The following DOCK1 variants were observed in gnomAD, a reference collection of about 807,000 sequenced individuals.
DOCK1 encodes dedicator of cytokinesis protein 1.
DOCK1 carries 138 observed loss-of-function variants against 262.7 expected under a neutral mutation model. That is an observed-to-expected ratio of 0.53 (90% CI 0.46 to 0.61). The LOEUF (loss-of-function observed/expected upper bound fraction) is 0.61. DOCK1 is among the 20% of genes least tolerant of loss of function. DOCK1 has a pLI of 0.00. For synonymous variants in DOCK1, 866 were observed against 867.4 expected (o/e 1.00, Z 0.03); for missense variants, 1,908 against 2,370.7 (o/e 0.80, Z 4.05).
chr10:127,090,447 C>T (rs7081349), intron 23 of DOCK1, among the ~76,000 whole-genome samples: 32,567 of 151,846 alleles, frequency 0.21, 4,940 homozygotes, highest in African/African-American at 0.43. Context: ...GTGTCATTTT[C>T]CAGTGGAGAA....
intron 23 of DOCK1, among the ~76,000 whole-genome samples, chr10:127,075,277 T>C (rs571323597): frequency 6.6e-6 from 1 of 151,716 alleles, no homozygotes; most frequent in South Asian, 2.1e-4. Flanking sequence ...GATTGATTGA[T>C]TTGATTGACG....
intron 29 of DOCK1, among the ~76,000 whole-genome samples, chr10:127,300,673 T>G (rs893032282): frequency 1.3e-5 from 2 of 152,230 alleles, no homozygotes; most frequent in African/African-American, 4.8e-5. Context: ...TTCGAATACT[T>G]TCAGGGAGCT....
intron 27 of DOCK1, among the ~76,000 whole-genome samples, chr10:127,203,056 G>C (rs1005472535): frequency 6.6e-6 from 1 of 152,160 alleles, no homozygotes; most frequent in African/African-American, 2.4e-5. Flanking sequence ...CACTGAAACA[G>C]CAATATACTC....
chr10:127,153,172 A>G (rs1251092211), intron 27 of DOCK1, among the ~76,000 whole-genome samples: 1 of 152,238 alleles, frequency 6.6e-6, no homozygotes, highest in Non-Finnish European at 1.5e-5. Flanking sequence ...TTGTTTGTGA[A>G]AAATTACATT....
chr10:126,966,000 A>G (rs1591472865), intron 1 of DOCK1, among the ~76,000 whole-genome samples: 1 of 152,116 alleles, frequency 6.6e-6, no homozygotes, highest in South Asian at 2.1e-4. Context: ...TCCTTTAGCA[A>G]ATTTCTCCTG....
intron 1 of DOCK1, among the ~76,000 whole-genome samples, chr10:126,931,420 G>A (rs2034177523): frequency 6.6e-6 from 1 of 152,174 alleles, no homozygotes; most frequent in South Asian, 2.1e-4. Flanking sequence ...TTGGAGCAGT[G>A]GGTGGTACCT....
intron 31 of DOCK1, 75 bp from the exon 32 acceptor site, chr10:127,354,594 C>T: frequency 6.3e-7 from 1 of 1,581,288 alleles, no homozygotes; most frequent in South Asian, 1.1e-5. Context: ...TTTAATTGCA[C>T]TTAAAAATAA....
At chr10:127,017,750 A>G (rs1421727534) in intron 12 of DOCK1, among the ~76,000 whole-genome samples, 4 of 152,192 alleles carry the variant, frequency 2.6e-5, no homozygotes, top group African/African-American at 9.7e-5. Flanking sequence ...TCAGGGACAG[A>G]GCACCCCCAT....
chr10:127,205,205 A>T (rs2057658662), intron 27 of DOCK1, among the ~76,000 whole-genome samples: 1 of 152,184 alleles, frequency 6.6e-6, no homozygotes, highest in Admixed American at 6.5e-5. Context: ...TCACACCATG[A>T]AAATGGTAGA....
At chr10:127,380,176 G>A in intron 36 of DOCK1, 54 bp downstream of exon 36, 1 of 1,256,968 alleles carries the variant, frequency 8.0e-7, no homozygotes, top group East Asian at 2.6e-5. Context: ...AATATATGTT[G>A]TATGTTTACG....
chr10:127,313,339 G>A (rs918166886), intron 29 of DOCK1, among the ~76,000 whole-genome samples: 2 of 152,174 alleles, frequency 1.3e-5, no homozygotes, highest in Admixed American at 6.5e-5. Context: ...CTCACGAGTA[G>A]GCATGCAATG....
chr10:127,408,549 TGGGGCCCCAC>T (rs1379361580), intron 40 of DOCK1, among the ~76,000 whole-genome samples: 4 of 152,204 alleles, frequency 2.6e-5, no homozygotes, highest in African/African-American at 9.7e-5. Flanking sequence ...GTGCAGGTGC[TGGGGCCCCAC>T]CTTAGCTCAA....
rs1230384056 is a variant in DOCK1, at chr10:127,439,037, G to T, written c.5071G>T (p.Glu1691Ter). 1.3e-6 allele frequency: 2 copies of T among 1,551,536 alleles called. No homozygotes were observed. The highest frequency in any genetic ancestry group is 1.7e-6 in the Non-Finnish European group (2 of 1,146,990). The change falls in exon 49 of 52, where the codon GAG becomes TAG. Residue 1691 changes from glutamate (E) to a stop codon, truncating the protein, a stop_gained. Transcript: ENST00000623213. LOFTEE classifies it high-confidence loss of function. Reference protein sequence around the residue: ...SRPGSDGFALEPLLPKKMHSR... With the variant: ...SRPGSDGFAL Reference sequence around the variant, plus strand: ...TGACCTTTCCTTTAGGTTTGCCCTGGAGCCTCTCCTGCCAAAGAAAATGCA... The same window carrying T: ...TGACCTTTCCTTTAGGTTTGCCCTGTAGCCTCTCCTGCCAAAGAAAATGCA...
intron 51 of DOCK1, among the ~76,000 whole-genome samples, chr10:127,449,536 G>T (rs2070818330): frequency 6.6e-6 from 1 of 152,184 alleles, no homozygotes; most frequent in African/African-American, 2.4e-5. Context: ...TTGATAAAGG[G>T]CGTGTGAATT....
chr10:127,262,041 T>C (rs898004828), intron 29 of DOCK1, among the ~76,000 whole-genome samples: 1 of 148,180 alleles, frequency 6.7e-6, no homozygotes, highest in Non-Finnish European at 1.5e-5. Context: ...TGTGTGTGTG[T>C]GTGTGTACCT....
Position 127,005,511 on chromosome 10 carries a change from G to T in DOCK1, c.986-3221G>T, listed in dbSNP as rs551910231. On this transcript the variant is annotated intron_variant, in intron 10 of 51. Coordinates refer to ENST00000623213, the MANE Select transcript of DOCK1 (RefSeq NM_001290223.2). ...TTAACAGAGTTCAGTTCCTTAAAAT[G>T]AGAAAGTGTCCATGGACCTTTAAGT... Among the ~76,000 whole-genome samples the T allele has an allele frequency of 2.6e-5, 4 of 152,294 alleles. No individual in the cohort carries two copies. The South Asian group carries it at 8.3e-4, about 32-fold the overall frequency.
chr10:127,252,707 T>C (rs1297549740), intron 28 of DOCK1, among the ~76,000 whole-genome samples: 1 of 150,002 alleles, frequency 6.7e-6, no homozygotes, highest in Admixed American at 6.7e-5. Flanking sequence ...AGATATGTGG[T>C]GTTATTTCTG....
rs867194312 is a variant in DOCK1, at chr10:127,036,996, A to C, written c.1913-723A>C. Among the ~76,000 whole-genome samples the C allele has an allele frequency of 1.6e-3, 241 of 150,816 alleles. 1 individual carries two copies. The highest frequency in any genetic ancestry group is 4.4e-3 in the African/African-American group (181 of 41,268). ...CCATCTCAAGGAAAAAAAAAAAAAA[A>C]AGAAAAAGAATATCTTGATGCCTTA... On this transcript the variant is annotated intron_variant, in intron 18 of 51. Transcript: ENST00000623213.
intron 5 of DOCK1, among the ~76,000 whole-genome samples, chr10:126,989,234 T>C (rs1347860901): frequency 6.6e-6 from 1 of 152,166 alleles, no homozygotes; most frequent in Non-Finnish European, 1.5e-5. Flanking sequence ...GTGAGCTCAG[T>C]ACGTGGTTTA....
Sources: gnomAD v4.1 joint callset for allele counts (sites outside exome capture counted in the v4.1 genomes callset) on GRCh38, gnomAD v4.1.1 for gene constraint, MANE v1.5 for transcripts, NCBI Gene and HGNC (gene_info 2026-07-23, HGNC 2026-07-21) for gene names.